The following PDE6A variants were observed in gnomAD, a reference collection of about 807,000 sequenced individuals.
The protein encoded by PDE6A is rod cGMP-specific 3',5'-cyclic phosphodiesterase subunit alpha.
A neutral mutation model predicts 106.3 loss-of-function variants in PDE6A; 84 were observed. The observed-to-expected ratio is 0.79, with a 90% CI of 0.66 to 0.95. The LOEUF is 0.95. Among genes scored for constraint, PDE6A ranks in the 40% least tolerant of loss-of-function variants. The pLI, the probability that PDE6A is intolerant of heterozygous loss-of-function variation, is 0.00. For missense variants in PDE6A, 1,052 were observed against 1,084.9 expected, an observed-to-expected ratio of 0.97 and a Z score of 0.43; for synonymous variants, 394 against 386.6, an observed-to-expected ratio of 1.02 and a Z score of -0.23.
intron 9 of PDE6A, among the ~76,000 whole-genome samples, chr5:149,898,763 T>C (rs1393893633): frequency 6.6e-6 from 1 of 152,254 alleles, no homozygotes; most frequent in African/African-American, 2.4e-5. Context: ...AATGTGTTTT[T>C]GCCTATGTGG....
chr5:149,929,759 G>A (rs959613379), intron 4 of PDE6A, among the ~76,000 whole-genome samples: 8 of 152,260 alleles, frequency 5.3e-5, no homozygotes, highest in Admixed American at 4.6e-4. Context: ...GGAGGAGGCT[G>A]TGGGAGGTAC....
chr5:149,927,281 G>A (rs778575504), intron 4 of PDE6A, among the ~76,000 whole-genome samples: 35 of 152,276 alleles, frequency 2.3e-4, no homozygotes, highest in Admixed American at 6.5e-4. Context: ...GTTGCTCTGC[G>A]TGAGTCAGTG....
intron 19 of PDE6A, 101 bp from the exon 20 acceptor site, chr5:149,866,354 T>G (rs1760331510): frequency 1.2e-6 from 1 of 850,328 alleles, no homozygotes; most frequent in African/African-American, 1.7e-5. Context: ...CTCATCATGT[T>G]TCCAGACCTG....
At chr5:149,913,346 C>T (rs1419155616) in intron 6 of PDE6A, among the ~76,000 whole-genome samples, 1 of 149,270 alleles carries the variant, frequency 6.7e-6, no homozygotes, top group South Asian at 2.1e-4. Context: ...TCGGCCACTG[C>T]ACTCCAGCCT....
In PDE6A at chr5:149,860,835, C is replaced by T; in HGVS notation, c.*60G>A. On this transcript the variant is annotated 3_prime_UTR_variant, in exon 22 of 22. Coordinates refer to ENST00000255266, the MANE Select transcript of PDE6A (RefSeq NM_000440.3). ...CTCAAGGTGTGTGGTCTTCCACTGG[C>T]TTGAGTCATCTCTTCCCAGGAAAGG... 7.1e-7 allele frequency: 1 copy of T among 1,410,248 alleles called. No individual in the cohort carries two copies. Among genetic ancestry groups the T allele is most frequent in the Admixed American group, 1.7e-5 (1 of 59,620 alleles). 87.4% of individuals were successfully genotyped at this position (1,410,248 alleles called of 1,614,324 possible).
chr5:149,896,297 T>A (rs973777240), intron 12 of PDE6A, 59 bp downstream of exon 12: 1 of 1,423,568 alleles, frequency 7.0e-7, no homozygotes, highest in Non-Finnish European at 9.9e-7. Context: ...GTCTTTTTTT[T>A]AAAGCAAGCA....
At position 149,931,095 on chromosome 5, in the gene PDE6A, T is replaced by A; in HGVS notation, c.791A>T (p.Tyr264Phe). Residue 264 changes from tyrosine (Y) to phenylalanine (F), a missense_variant, in exon 4 of 22, where the codon TAC (tyrosine) becomes TTC (phenylalanine). By Grantham distance (22) the Tyr-to-Phe change is conservative. Transcript: ENST00000255266. ...ACAGTTGAGGAAAGCACGGACTGTG[T>A]ACAGGGCTTTGTGGAACTGTCGTTC... ...DIERQFHKAL[Y>F]TVRAFLNCDR... 1 of 1,613,934 alleles carries A rather than the reference T, an allele frequency of 6.2e-7. No homozygotes were observed. The highest frequency in any genetic ancestry group is 1.1e-5 in the South Asian group (1 of 91,082).
intron 20 of PDE6A, among the ~76,000 whole-genome samples, chr5:149,864,605 T>A (rs1220013910): frequency 6.6e-6 from 1 of 152,256 alleles, no homozygotes; most frequent in Non-Finnish European, 1.5e-5. Flanking sequence ...ATTTATCTCC[T>A]CTGGTCCTCA....
intron 4 of PDE6A, among the ~76,000 whole-genome samples, chr5:149,929,161 T>C (rs988322720): frequency 1.3e-5 from 2 of 152,146 alleles, no homozygotes; most frequent in African/African-American, 4.8e-5. Flanking sequence ...AGTAATATAC[T>C]AGAAGTTTCA....
In PDE6A at chr5:149,923,885, C is replaced by G. The variant is rs901656994; in HGVS notation, c.859-2176G>C. Among the ~76,000 whole-genome samples, 4 of 152,180 alleles carry G rather than the reference C, an allele frequency of 2.6e-5. No individual in the cohort carries two copies. In the East Asian group the frequency reaches 7.7e-4, roughly 29 times the overall value. On this transcript the variant is annotated intron_variant, in intron 4 of 21. Coordinates refer to ENST00000255266, the MANE Select transcript of PDE6A (RefSeq NM_000440.3). ...ACTGTGGGTAGGATGCCAAGCCCTC[C>G]TCATTCCTCTCATTTGAACATGTTT... is the stretch of plus-strand genomic sequence containing the variant.
intron 20 of PDE6A, among the ~76,000 whole-genome samples, chr5:149,865,078 A>G (rs771676334): frequency 4.6e-5 from 7 of 152,064 alleles, no homozygotes. Context: ...CGTCTCTACT[A>G]AAAATACAAA....
intron 9 of PDE6A, among the ~76,000 whole-genome samples, chr5:149,898,744 C>T (rs1752852172): frequency 1.3e-5 from 2 of 152,166 alleles, no homozygotes; most frequent in African/African-American, 4.8e-5. Flanking sequence ...AATAACTTCA[C>T]AAAAAGAGAA....
chr5:149,877,888 G>C (rs1256326539), intron 17 of PDE6A, among the ~76,000 whole-genome samples: 2 of 152,152 alleles, frequency 1.3e-5, no homozygotes, highest in Non-Finnish European at 2.9e-5. Context: ...CACATCCAAG[G>C]GGTTTTCAGG....
intron 17 of PDE6A, among the ~76,000 whole-genome samples, chr5:149,875,111 C>T (rs1349460031): frequency 6.6e-6 from 1 of 152,126 alleles, no homozygotes; most frequent in African/African-American, 2.4e-5. Flanking sequence ...TCCAATTATA[C>T]ACCTAAGCAA....
intron 4 of PDE6A, among the ~76,000 whole-genome samples, chr5:149,930,107 A>T (rs1753987993): frequency 6.6e-6 from 1 of 152,186 alleles, no homozygotes; most frequent in Non-Finnish European, 1.5e-5. Context: ...CTATGTGCTG[A>T]CATGGAAAGA....
chr5:149,875,636 C>T (rs552840835), intron 17 of PDE6A, among the ~76,000 whole-genome samples: 2 of 151,954 alleles, frequency 1.3e-5, no homozygotes, highest in South Asian at 2.1e-4. Flanking sequence ...ACCACAGGTG[C>T]GTGCCACCAC....
rs770295959 is a variant in PDE6A, at chr5:149,866,188, A to G, written c.2340T>C (p.Val780=). Residue 780 remains valine, a synonymous_variant, in exon 20 of 22, where the codon GTT becomes GTC. Coordinates refer to ENST00000255266, the MANE Select transcript of PDE6A (RefSeq NM_000440.3). ...PKLQVGFIDF[V]CTFVYKEFSR... is the part of the protein sequence containing the mutation. ...GGCCTACCTTGTAGACGAAGGTGCA[A>G]ACAAAGTCAATGAAGCCGACTTGAA... The G allele has an allele frequency of 5.0e-6, 8 of 1,613,990 alleles. No individual in the cohort carries two copies. The highest frequency in any genetic ancestry group is 5.1e-6 in the Non-Finnish European group (6 of 1,179,838).
intron 4 of PDE6A, among the ~76,000 whole-genome samples, chr5:149,925,847 T>C (rs748330209): frequency 4.6e-5 from 7 of 151,148 alleles, no homozygotes; most frequent in Non-Finnish European, 8.8e-5. Context: ...GTCTAACATA[T>C]AATAATAATA....
chr5:149,915,963 A>G lies in PDE6A; in HGVS notation c.934-956T>C, dbSNP rs557690404. The stretch of plus-strand genomic sequence containing the variant: ...TGTCAATGAACTTTCTCAGAGAGCA[A>G]CATGTAATATTTCTCTTTTTTCTTT... On this transcript the variant is annotated intron_variant, in intron 5 of 21. Transcript: ENST00000255266. Among the ~76,000 whole-genome samples the G allele has an allele frequency of 3.3e-5, 5 of 152,324 alleles. No individual in the cohort carries two copies. In the South Asian group the frequency reaches 1.0e-3, roughly 32 times the overall value.
Sources: gnomAD v4.1 joint callset for allele counts (sites outside exome capture counted in the v4.1 genomes callset) on GRCh38, gnomAD v4.1.1 for gene constraint, MANE v1.5 for transcripts, NCBI Gene and HGNC (gene_info 2026-07-23, HGNC 2026-07-21) for gene names.